CRYBA4: variants seen among roughly 807,000 people sequenced by gnomAD.
CRYBA4 encodes the protein crystallin beta A4.
In CRYBA4, 30 loss-of-function variants were observed where a neutral mutation model predicts 31.7. The ratio of observed to expected loss-of-function variants is 0.95; its 90% CI spans 0.71 to 1.28. CRYBA4 has a LOEUF of 1.28. CRYBA4 is among the 50% of genes most tolerant of loss of function. The pLI is 0.00. For synonymous variants in CRYBA4, 102 were observed against 102.3 expected, an observed-to-expected ratio of 1.00 and a Z score of 0.02; for missense variants, 225 against 260.7, an observed-to-expected ratio of 0.86 and a Z score of 0.94.
intron 4 of CRYBA4, among the ~76,000 whole-genome samples, chr22:26,627,540 C>T (rs1602342322): frequency 8.6e-6 from 1 of 115,792 alleles, no homozygotes; most frequent in Non-Finnish European, 1.8e-5. Context: ...CTTTCCTTTT[C>T]TTTCTTTCTT....
At chr22:26,611,963 G>A in the CRYBA4 span, 4 of 798,686 alleles carry the variant, frequency 5.0e-6, no homozygotes, top group African/African-American at 1.7e-5. Flanking sequence ...TATGTGCCAG[G>A]AGTACGAACG....
At chr22:26,611,518 AC>A in the CRYBA4 span, among the ~76,000 whole-genome samples, 32 of 142,408 alleles carry the variant, frequency 2.2e-4, no homozygotes, top group African/African-American at 8.5e-4. Flanking sequence ...CCCAGGCCGG[AC>A]TGCAGACTGC....
At chr22:26,598,301 A>G in the CRYBA4 span, among the ~76,000 whole-genome samples, 1 of 152,218 alleles carries the variant, frequency 6.6e-6, no homozygotes, top group Non-Finnish European at 1.5e-5. Context: ...TATTTGATTT[A>G]TTTATACGAC....
In CRYBA4 at chr22:26,628,297, G is replaced by T; in HGVS notation, c.310G>T (p.Asp104Tyr). 6.2e-7 allele frequency: 1 copy of T among 1,614,014 alleles called. No individual in the cohort carries two copies. The highest frequency in any genetic ancestry group is 1.1e-5 in the South Asian group (1 of 91,044). Reference protein sequence around the residue: ...FRPAACANHRDSRLTIFEQEN... With the variant: ...FRPAACANHRYSRLTIFEQEN... ...TTCCCTGTTCCTGTAGAACCACCGT[G>T]ACTCGAGGCTGACAATCTTCGAGCA... is the stretch of plus-strand genomic sequence containing the variant. The change falls in exon 5 of 6, where the codon GAC becomes TAC. Residue 104 changes from aspartate to tyrosine, a missense_variant. Coordinates refer to ENST00000354760, the MANE Select transcript of CRYBA4 (RefSeq NM_001886.3).
rs5761637 is a variant in CRYBA4 at position 26,625,493 on chromosome 22, T to C, written c.171T>C (p.Phe57=). 0.86 allele frequency: 1,388,106 copies of C among 1,613,620 alleles called. 598,763 individuals are homozygous for C. The highest frequency in any genetic ancestry group is 1 in the East Asian group (44,753 of 44,868). Reference sequence around the variant, plus strand: ...CCTCTGTCTGCAGGTGGGTGGGCTTTGAGCATGCTGGCTTCCAAGGGCAGC... The same window carrying C: ...CCTCTGTCTGCAGGTGGGTGGGCTTCGAGCATGCTGGCTTCCAAGGGCAGC... ...LKVLSGAWVG[F]EHAGFQGQQY... is the part of the protein sequence containing the mutation. Residue 57 remains phenylalanine (F), a synonymous_variant, in exon 4 of 6, where the codon TTT becomes TTC. Transcript: ENST00000354760.
intron 3 of CRYBA4, among the ~76,000 whole-genome samples, chr22:26,624,940 C>T (rs1355056983): frequency 6.6e-6 from 1 of 152,162 alleles, no homozygotes. Context: ...GGGGCTGCCT[C>T]GTGGCAGCCT....
the CRYBA4 span, among the ~76,000 whole-genome samples, chr22:26,598,842 T>G: frequency 6.6e-6 from 1 of 152,082 alleles, no homozygotes; most frequent in Admixed American, 6.6e-5. Flanking sequence ...GTGCAAAAAA[T>G]CCTGAGGGGG....
chr22:26,605,139 A>G, the CRYBA4 span, among the ~76,000 whole-genome samples: 1 of 152,124 alleles, frequency 6.6e-6, no homozygotes, highest in Non-Finnish European at 1.5e-5. Flanking sequence ...GGCTTCCCTG[A>G]TGACCCCCTG....
chr22:26,602,860 A>G, the CRYBA4 span, among the ~76,000 whole-genome samples: 61 of 152,084 alleles, frequency 4.0e-4, no homozygotes, highest in Middle Eastern at 3.4e-3. Context: ...GCGATGGCTC[A>G]CTCCTATAAT....
intron 1 of CRYBA4, among the ~76,000 whole-genome samples, chr22:26,622,227 G>A (rs1034278300): frequency 6.6e-6 from 1 of 152,018 alleles, no homozygotes; most frequent in Non-Finnish European, 1.5e-5. Flanking sequence ...TTTGAGCTAG[G>A]TGCTGTCTTT....
Position 26,625,539 on chromosome 22 carries a change from G to A in CRYBA4, c.217G>A (p.Glu73Lys), listed in dbSNP as rs200572268. ...GCAGCAGTACATTCTGGAACGAGGC[G>A]AATATCCAAGCTGGGATGCCTGGGG... ...QGQQYILERG[E>K]YPSWDAWGGN... The change falls in exon 4 of 6, where the codon GAA becomes AAA. Residue 73 changes from glutamate (E) to lysine (K), a missense_variant. By Grantham distance (56) the Glu-to-Lys change is moderately conservative. Transcript: ENST00000354760. 5.4e-5 allele frequency: 87 copies of A among 1,613,930 alleles called. No individual in the cohort carries two copies. The highest frequency in any genetic ancestry group is 6.9e-5 in the Non-Finnish European group (82 of 1,180,032).
At chr22:26,596,930 A>C in the CRYBA4 span, among the ~76,000 whole-genome samples, 1 of 152,186 alleles carries the variant, frequency 6.6e-6, no homozygotes, top group African/African-American at 2.4e-5. Context: ...CAATTTGCCT[A>C]GTTCTTTCCA....
the CRYBA4 span, among the ~76,000 whole-genome samples, chr22:26,609,170 G>T: frequency 1.3e-5 from 2 of 152,188 alleles, no homozygotes; most frequent in Non-Finnish European, 2.9e-5. Context: ...GGGCTGCTGG[G>T]ACCCTGCTCT....
At chr22:26,599,749 C>T in the CRYBA4 span, 1 of 1,162,964 alleles carries the variant, frequency 8.6e-7, no homozygotes, top group Non-Finnish European at 1.3e-6. Context: ...GCCAGACCAG[C>T]CTGTCCTTCA....
At chr22:26,594,624 G>A in the CRYBA4 span, among the ~76,000 whole-genome samples, 23 of 152,258 alleles carry the variant, frequency 1.5e-4, 1 homozygote, top group East Asian at 4.4e-3. Context: ...CCGGGAGGTG[G>A]AGGTTGTGGT....
chr22:26,599,229 T>C, the CRYBA4 span: 1 of 513,534 alleles, frequency 1.9e-6, no homozygotes, highest in Non-Finnish European at 3.5e-6. Flanking sequence ...AACTTGGCCT[T>C]ATTCATTTCT....
chr22:26,611,499 G>T, the CRYBA4 span, among the ~76,000 whole-genome samples: 1 of 144,032 alleles, frequency 6.9e-6, no homozygotes, highest in African/African-American at 2.6e-5. Context: ...ACGGAGTCTC[G>T]CTCTGTCGCC....
chr22:26,627,430 C>CTT (rs1320850178), intron 4 of CRYBA4, among the ~76,000 whole-genome samples: 24 of 91,230 alleles, frequency 2.6e-4, no homozygotes, highest in South Asian at 4.4e-4. Context: ...CTTTCTTTTT[C>CTT]TTTCTTTCTT....
the CRYBA4 span, among the ~76,000 whole-genome samples, chr22:26,591,136 C>T: frequency 6.0e-4 from 91 of 152,182 alleles, no homozygotes; most frequent in Admixed American, 9.8e-4. Context: ...CTTTGGGAGG[C>T]GAGGCGGGCG....
Sources: allele counts gnomAD v4.1 joint callset (sites outside exome capture counted in the v4.1 genomes callset), GRCh38; gene constraint gnomAD v4.1.1; transcripts MANE v1.5; gene names NCBI Gene and HGNC (gene_info 2026-07-23, HGNC 2026-07-21).